SMYD3: variants seen among roughly 807,000 people sequenced by gnomAD.
SMYD3 encodes SET and MYND domain containing 3.
In SMYD3, 36 loss-of-function variants were observed where a neutral mutation model predicts 57.7. That is an observed-to-expected ratio of 0.62 (90% CI 0.48 to 0.82). The LOEUF (loss-of-function observed/expected upper bound fraction) is 0.82. SMYD3 is among the 40% of genes least tolerant of loss of function. The pLI is 0.00. For synonymous variants in SMYD3, 211 were observed against 195.0 expected (o/e 1.08, Z -0.68); for missense variants, 515 against 538.8 (o/e 0.96, Z 0.44).
rs1158394611 is a variant in SMYD3 at position 246,355,369 on chromosome 1, C to T, written c.165-275G>A. 1.2e-5 allele frequency: 5 copies of T among 406,758 alleles called. No individual in the cohort carries two copies. The highest frequency in any genetic ancestry group is 1.0e-4 in the East Asian group (2 of 19,302). 25.2% of individuals were successfully genotyped at this position (406,758 alleles called of 1,614,324 possible). On this transcript the variant is annotated intron_variant, in intron 1 of 11. Transcript: ENST00000490107. The surrounding 1 kb of genome is among the most constrained non-coding windows in gnomAD (Gnocchi z 5.0). ...GCTCCCGATCGGACAGACAGAGCAG[C>T]GTGTGGGGACTCACACTGTGAACTT... is the stretch of plus-strand genomic sequence containing the variant.
chr1:246,403,568 T>C (rs1484153555), intron 1 of SMYD3, among the ~76,000 whole-genome samples: 1 of 152,166 alleles, frequency 6.6e-6, no homozygotes, highest in Non-Finnish European at 1.5e-5. Context: ...ATATGGATAA[T>C]TTATTCCCTA....
intron 5 of SMYD3, among the ~76,000 whole-genome samples, chr1:246,158,419 T>G (rs1324066309): frequency 6.6e-6 from 1 of 152,230 alleles, no homozygotes; most frequent in Non-Finnish European, 1.5e-5. Flanking sequence ...AATGCAGTTC[T>G]ATTTGAAAGT....
chr1:246,052,089 G>A (rs2060075683), intron 5 of SMYD3, among the ~76,000 whole-genome samples: 1 of 152,142 alleles, frequency 6.6e-6, no homozygotes, highest in Non-Finnish European at 1.5e-5. Context: ...AACATAAAAC[G>A]GCTGCATCAT....
At chr1:246,157,094 T>C (rs2062034095) in intron 5 of SMYD3, among the ~76,000 whole-genome samples, 1 of 152,204 alleles carries the variant, frequency 6.6e-6, no homozygotes. Flanking sequence ...AGCGCTTACA[T>C]CACCAAAGCC....
chr1:246,081,557 T>G (rs1413772435), intron 5 of SMYD3, among the ~76,000 whole-genome samples: 1 of 152,148 alleles, frequency 6.6e-6, no homozygotes, highest in African/African-American at 2.4e-5. Flanking sequence ...GTCACCTGGC[T>G]AATTTGTTGC....
chr1:246,093,926 A>G (rs2060867104), intron 5 of SMYD3, among the ~76,000 whole-genome samples: 2 of 152,198 alleles, frequency 1.3e-5, no homozygotes, highest in Non-Finnish European at 2.9e-5. Flanking sequence ...AGAACCACAC[A>G]GCCCATACAA....
chr1:246,281,813 G>C (rs2064448600), intron 5 of SMYD3, among the ~76,000 whole-genome samples: 1 of 152,134 alleles, frequency 6.6e-6, no homozygotes, highest in South Asian at 2.1e-4. Context: ...GGAAAGAAAA[G>C]GAGAAGTTCC....
intron 11 of SMYD3, among the ~76,000 whole-genome samples, chr1:245,755,716 TTTGA>T (rs2045577284): frequency 1.3e-5 from 2 of 152,166 alleles, no homozygotes; most frequent in Admixed American, 1.3e-4. Context: ...CCAGCTTTCT[TTTGA>T]TTGTGTTTTT....
rs150058397 is a variant in SMYD3, at chr1:245,915,550, G to A, written c.793C>T (p.Arg265Cys). 6.8e-5 allele frequency: 110 copies of A among 1,613,306 alleles called. No individual in the cohort carries two copies. Among genetic ancestry groups the A allele is most frequent in the South Asian group, 2.4e-4 (22 of 91,004 alleles). ...CATACCTTGTCCTGGGTTTGGCAAC[G>A]GAAACAGTCACATTCAAAGCAGTAC... ...DQYCFECDCF[R>C]CQTQDKDADM... The change falls in exon 8 of 12, where the codon CGT (arginine) becomes TGT (cysteine). Residue 265 changes from arginine (R) to cysteine (C), a missense_variant. Coordinates refer to ENST00000490107, the MANE Select transcript of SMYD3 (RefSeq NM_001167740.2).
intron 1 of SMYD3, among the ~76,000 whole-genome samples, chr1:246,499,434 A>T (rs1183134547): frequency 6.6e-6 from 1 of 150,818 alleles, no homozygotes; most frequent in Non-Finnish European, 1.5e-5. Context: ...ACATATATAT[A>T]TTTTTGTTAT....
At chr1:245,813,176 G>A (rs1021636677) in intron 10 of SMYD3, among the ~76,000 whole-genome samples, 15 of 151,816 alleles carry the variant, frequency 9.9e-5, no homozygotes, top group African/African-American at 2.9e-4. Flanking sequence ...CACCACGCCC[G>A]GCTAATTTTT....
chr1:246,361,327 G>A (rs549488018), intron 1 of SMYD3, among the ~76,000 whole-genome samples: 3 of 152,136 alleles, frequency 2.0e-5, no homozygotes, highest in Non-Finnish European at 4.4e-5. Flanking sequence ...AGTGAAAAGG[G>A]AACACTTTTA....
At chr1:245,816,607 C>CA (rs1342578558) in intron 10 of SMYD3, among the ~76,000 whole-genome samples, 1 of 150,528 alleles carries the variant, frequency 6.6e-6, no homozygotes, top group Non-Finnish European at 1.5e-5. Context: ...ACATAGAAGA[C>CA]GGTGATTTCT....
chr1:246,369,191 C>T (rs780476422), intron 1 of SMYD3, among the ~76,000 whole-genome samples: 1 of 152,156 alleles, frequency 6.6e-6, no homozygotes, highest in Non-Finnish European at 1.5e-5. Flanking sequence ...TACTCATTAT[C>T]ATCACAGTTT....
intron 5 of SMYD3, among the ~76,000 whole-genome samples, chr1:246,000,383 G>GA (rs1013332107): frequency 9.3e-5 from 14 of 150,546 alleles, no homozygotes; most frequent in South Asian, 2.1e-4. Context: ...GAACATGGAA[G>GA]AAAAAAAAAC....
chr1:246,134,802 C>A (rs570574048), intron 5 of SMYD3, among the ~76,000 whole-genome samples: 1 of 107,766 alleles, frequency 9.3e-6, no homozygotes, highest in South Asian at 2.5e-4. Flanking sequence ...TTTTCTTCCC[C>A]CCCCTGCCGC....
At chr1:246,130,284 T>G (rs189193760) in intron 5 of SMYD3, among the ~76,000 whole-genome samples, 10 of 152,300 alleles carry the variant, frequency 6.6e-5, no homozygotes, top group Admixed American at 5.9e-4. Context: ...CAACTTTTCA[T>G]GAAGTTCCCA....
chr1:246,313,564 A>G (rs560522028), intron 5 of SMYD3, among the ~76,000 whole-genome samples: 2 of 152,220 alleles, frequency 1.3e-5, no homozygotes, highest in Non-Finnish European at 2.9e-5. Context: ...TTTTTCCTAT[A>G]AGCATCAAAA....
chr1:246,457,532 CAAAA>C (rs59617511), intron 1 of SMYD3, among the ~76,000 whole-genome samples: 12 of 82,448 alleles, frequency 1.5e-4, no homozygotes, highest in South Asian at 9.3e-4. Context: ...GACTCTGCCT[CAAAA>C]AAAAAAAAAA....
Sources: allele counts gnomAD v4.1 joint callset (sites outside exome capture counted in the v4.1 genomes callset), GRCh38; gene constraint gnomAD v4.1.1; non-coding constraint Gnocchi (gnomAD v3.1); transcripts MANE v1.5; gene names NCBI Gene and HGNC (gene_info 2026-07-23, HGNC 2026-07-21).